Variants in WWP1 observed in about 807,000 individuals in gnomAD.
WWP1 encodes WW domain containing E3 ubiquitin protein ligase 1.
In WWP1, 49 loss-of-function variants were observed where a neutral mutation model predicts 130.6. The observed-to-expected ratio is 0.38, with a 90% CI of 0.30 to 0.48. The LOEUF (loss-of-function observed/expected upper bound fraction) is 0.48. Ranked by LOEUF, WWP1 falls within the 20% of genes least tolerant of loss-of-function variation. The probability of loss-of-function intolerance (pLI) is 0.99; values close to 1 mark genes in which losing one functional copy is unlikely to be tolerated. For missense variants in WWP1, 809 were observed against 1,100.6 expected (o/e 0.74, Z 3.75); for synonymous variants, 332 against 367.8 (o/e 0.90, Z 1.11).
intron 8 of WWP1, among the ~76,000 whole-genome samples, chr8:86,409,624 C>T (rs1489628489): frequency 1.3e-5 from 2 of 151,592 alleles, no homozygotes; most frequent in African/African-American, 4.8e-5. Context: ...CTTTGGGAGG[C>T]CAAGTTGGGT....
chr8:86,443,235 C>A (rs994187604), intron 18 of WWP1, among the ~76,000 whole-genome samples: 2 of 151,770 alleles, frequency 1.3e-5, no homozygotes, highest in Non-Finnish European at 2.9e-5. Context: ...ACCATGCCAG[C>A]TAATTTTTTT....
chr8:86,361,979 TATATATATATATACATATATATACACAC>T (rs1823633776), intron 1 of WWP1, among the ~76,000 whole-genome samples: 1 of 113,160 alleles, frequency 8.8e-6, no homozygotes, highest in Admixed American at 8.6e-5. Flanking sequence ...TGTGTGTATA[TATATATATATATACATATATATACACAC>T]ATATATATAT....
At chr8:86,426,131 G>A (rs1483982087) in intron 10 of WWP1, among the ~76,000 whole-genome samples, 1 of 152,176 alleles carries the variant, frequency 6.6e-6, no homozygotes, top group Admixed American at 6.5e-5. Flanking sequence ...AGTGTTAAAT[G>A]AGAACGTATT....
At chr8:86,370,852 A>ATTTTTT (rs1563472827) in intron 2 of WWP1, among the ~76,000 whole-genome samples, 1 of 60,640 alleles carries the variant, frequency 1.6e-5, no homozygotes, top group African/African-American at 7.8e-5. Context: ...AGCTATATTC[A>ATTTTTT]TTCTTTTTTT....
At position 86,380,173 on chromosome 8, in the gene WWP1, A is replaced by G. The variant is rs530844407; in HGVS notation, c.71-553A>G. On this transcript the variant is annotated intron_variant, in intron 3 of 24. Coordinates refer to ENST00000517970, the MANE Select transcript of WWP1 (RefSeq NM_007013.4). Reference sequence around the variant, plus strand: ...ATAATAGAATGGTATTTGGCAAGAAAAGGAGTGGAGTACTGGTGCATGTTA... The same window carrying G: ...ATAATAGAATGGTATTTGGCAAGAAGAGGAGTGGAGTACTGGTGCATGTTA... 2.6e-5 allele frequency among the ~76,000 whole-genome samples: 4 copies of G among 152,326 alleles called. No homozygotes were observed. In the South Asian group the frequency reaches 6.2e-4, roughly 24 times the overall value.
intron 18 of WWP1, among the ~76,000 whole-genome samples, chr8:86,443,462 G>A (rs906065591): frequency 2.7e-4 from 41 of 152,118 alleles, no homozygotes; most frequent in African/African-American, 9.4e-4. Context: ...AGCCCTTATG[G>A]AACTATTGTC....
intron 5 of WWP1, among the ~76,000 whole-genome samples, chr8:86,397,218 T>C (rs562909382): frequency 6.6e-6 from 1 of 152,320 alleles, no homozygotes; most frequent in Admixed American, 6.5e-5. Flanking sequence ...TGTTCCATGA[T>C]TGCAAAAACT....
chr8:86,401,743 C>T (rs1313415432), intron 7 of WWP1, among the ~76,000 whole-genome samples: 1 of 151,858 alleles, frequency 6.6e-6, no homozygotes, highest in East Asian at 1.9e-4. Context: ...GTTTGTATAT[C>T]TCAGTATTTT....
At chr8:86,461,034 C>A (rs945383765) in intron 22 of WWP1, among the ~76,000 whole-genome samples, 190 bp from the exon 23 acceptor site, 11 of 151,944 alleles carry the variant, frequency 7.2e-5, no homozygotes, top group Non-Finnish European at 2.9e-5. Context: ...TGATCTCGAT[C>A]TCCTGACCTC....
chr8:86,346,508 A>T (rs1220301482), intron 1 of WWP1, among the ~76,000 whole-genome samples: 11 of 152,182 alleles, frequency 7.2e-5, no homozygotes, highest in Non-Finnish European at 1.6e-4. Flanking sequence ...ATAAAAATGG[A>T]GACTTCACAA....
intron 14 of WWP1, among the ~76,000 whole-genome samples, chr8:86,435,152 A>G (rs1180342019): frequency 6.6e-6 from 1 of 152,186 alleles, no homozygotes; most frequent in Non-Finnish European, 1.5e-5. Flanking sequence ...CTTAGATTTA[A>G]GGATTATCGA....
At chr8:86,438,445 C>A in intron 16 of WWP1, 140 bp from the exon 17 acceptor site, 1 of 604,626 alleles carries the variant, frequency 1.7e-6, no homozygotes, top group Non-Finnish European at 2.6e-6. Flanking sequence ...TGAAAGAAAC[C>A]AATTCATCTC....
chr8:86,437,171 A>G (rs185043031), intron 16 of WWP1, among the ~76,000 whole-genome samples: 19 of 152,346 alleles, frequency 1.2e-4, no homozygotes, highest in African/African-American at 4.1e-4. Context: ...GCTCCAACCC[A>G]GACTTGCCAG....
intron 2 of WWP1, among the ~76,000 whole-genome samples, chr8:86,371,722 A>G (rs1317851711): frequency 6.6e-6 from 1 of 152,178 alleles, no homozygotes; most frequent in South Asian, 2.1e-4. Context: ...TAGTTTAAAT[A>G]CTAATCTTTA....
At chr8:86,413,130 C>G (rs751170217) in intron 9 of WWP1, among the ~76,000 whole-genome samples, 1 of 152,110 alleles carries the variant, frequency 6.6e-6, no homozygotes, top group Non-Finnish European at 1.5e-5. Flanking sequence ...CTGGCCAGCT[C>G]TCCATCATTT....
intron 2 of WWP1, among the ~76,000 whole-genome samples, chr8:86,369,823 C>T (rs16911667): frequency 0.12 from 19,006 of 152,058 alleles, 3,156 homozygotes; most frequent in African/African-American, 0.38. Context: ...TTTTGCATCA[C>T]AGGCCCCAGT....
chr8:86,391,979 C>CG (rs1807374597), intron 5 of WWP1, among the ~76,000 whole-genome samples: 1 of 152,146 alleles, frequency 6.6e-6, no homozygotes, highest in South Asian at 2.1e-4. Context: ...AAAGAGTAGT[C>CG]GGGGGCCTAT....
At chr8:86,387,756 T>G (rs1004440396) in intron 5 of WWP1, among the ~76,000 whole-genome samples, 1 of 152,176 alleles carries the variant, frequency 6.6e-6, no homozygotes, top group African/African-American at 2.4e-5. Flanking sequence ...ACTCCTGACC[T>G]CAAGTGATCT....
chr8:86,388,693 T>C (rs1341299370), intron 5 of WWP1, among the ~76,000 whole-genome samples: 1 of 152,186 alleles, frequency 6.6e-6, no homozygotes, highest in Non-Finnish European at 1.5e-5. Flanking sequence ...ATTGTATTTT[T>C]AGTTTTCACA....
Sources: gnomAD v4.1 joint callset for allele counts (sites outside exome capture counted in the v4.1 genomes callset) on GRCh38, gnomAD v4.1.1 for gene constraint, MANE v1.5 for transcripts, NCBI Gene and HGNC (gene_info 2026-07-23, HGNC 2026-07-21) for gene names.